The following GDAP1L1 variants were observed in gnomAD, a reference collection of about 807,000 sequenced individuals.
GDAP1L1 encodes the protein ganglioside-induced differentiation-associated protein 1-like 1.
In GDAP1L1, 21 loss-of-function variants were observed where a neutral mutation model predicts 37.1. That is an observed-to-expected ratio of 0.57 (90% CI 0.40 to 0.81). The LOEUF (loss-of-function observed/expected upper bound fraction) is 0.81, where lower values mean the gene tolerates loss of function less well. GDAP1L1 is among the 40% of genes least tolerant of loss of function. The probability of loss-of-function intolerance (pLI) is 0.00; values close to 1 mark genes in which losing one functional copy is unlikely to be tolerated. For synonymous variants in GDAP1L1, 193 were observed against 209.1 expected (o/e 0.92, Z 0.67); for missense variants, 362 against 491.6 (o/e 0.74, Z 2.49).
chr20:44,265,532 A>G, intron 5 of GDAP1L1: 1 of 961,662 alleles, frequency 1.0e-6, no homozygotes, highest in South Asian at 4.8e-5. Context: ...TAGAGTAAGA[A>G]AAACTTGAAA....
At chr20:44,258,326 C>T (rs2073603167) in intron 2 of GDAP1L1, 108 bp from the exon 3 acceptor site, 3 of 1,104,118 alleles carry the variant, frequency 2.7e-6, no homozygotes, top group Non-Finnish European at 4.1e-6. Context: ...CATGGGGGTG[C>T]CCAGGGCCTC....
intron 5 of GDAP1L1, among the ~76,000 whole-genome samples, chr20:44,266,198 C>G (rs1052550428): frequency 6.6e-6 from 1 of 152,038 alleles, no homozygotes; most frequent in African/African-American, 2.4e-5. Flanking sequence ...ATCCCAGCTA[C>G]TCGAGAGGCT....
At chr20:44,277,419 T>C (rs2146064729) in intron 5 of GDAP1L1, among the ~76,000 whole-genome samples, 1 of 152,322 alleles carries the variant, frequency 6.6e-6, no homozygotes, top group Non-Finnish European at 1.5e-5. Context: ...GTGGTAGGAA[T>C]GTCCCTGATG....
At chr20:44,257,463 G>T in intron 2 of GDAP1L1, 118 bp downstream of exon 2, 1 of 1,044,310 alleles carries the variant, frequency 9.6e-7, no homozygotes, top group African/African-American at 1.6e-5. Flanking sequence ...GGAGCCATGG[G>T]CAAGGCCCAG....
chr20:44,269,209 T>C (rs1344075080), intron 5 of GDAP1L1, among the ~76,000 whole-genome samples: 1 of 152,188 alleles, frequency 6.6e-6, no homozygotes, highest in Non-Finnish European at 1.5e-5. Context: ...GAACATCTCC[T>C]AGATGCTAGG....
At chr20:44,257,821 G>A (rs148306214) in intron 2 of GDAP1L1, among the ~76,000 whole-genome samples, 1 of 151,882 alleles carries the variant, frequency 6.6e-6, no homozygotes, top group African/African-American at 2.4e-5. Context: ...GTTCCCAGAC[G>A]CCCCAGAACC....
intron 5 of GDAP1L1, among the ~76,000 whole-genome samples, chr20:44,278,218 G>A (rs1449617574): frequency 2.6e-5 from 4 of 151,890 alleles, no homozygotes; most frequent in African/African-American, 9.7e-5. Flanking sequence ...GCTTTTGGGC[G>A]GAGCAACTGC....
In GDAP1L1 at chr20:44,247,516, T is replaced by C; in HGVS notation, c.180+2T>C. ...ACCCAGTCCTTCAGCTCGCAGAAGG[T>C]AGAGCCGGGCCGGGAGCCGCCTGCG... is the stretch of plus-strand genomic sequence containing the variant. On this transcript the variant is annotated splice_donor_variant, in intron 1 of 5. Transcript: ENST00000342560. LOFTEE classifies it high-confidence loss of function. 4 of 1,495,078 alleles carry C rather than the reference T, an allele frequency of 2.7e-6. No homozygotes were observed. Among genetic ancestry groups the C allele is most frequent in the Non-Finnish European group, 3.6e-6 (4 of 1,119,300 alleles). 92.6% of individuals were successfully genotyped at this position (1,495,078 alleles called of 1,614,324 possible).
At chr20:44,249,551 C>A (rs2073399553) in intron 1 of GDAP1L1, among the ~76,000 whole-genome samples, 1 of 152,184 alleles carries the variant, frequency 6.6e-6, no homozygotes, top group African/African-American at 2.4e-5. Context: ...CGGCTGGGAC[C>A]AGACAGGGGG....
intron 5 of GDAP1L1, chr20:44,265,253 T>C: frequency 1.0e-6 from 1 of 985,360 alleles, no homozygotes; most frequent in South Asian, 4.7e-5. Context: ...CCAGCTTCAT[T>C]CTACCTCCAT....
At chr20:44,265,396 T>A in intron 5 of GDAP1L1, 1 of 985,452 alleles carries the variant, frequency 1.0e-6, no homozygotes, top group Non-Finnish European at 1.2e-6. Context: ...TTGCTCCGTT[T>A]AAGACCTGTG....
In GDAP1L1 at chr20:44,247,361, C is replaced by A; in HGVS notation, c.27C>A (p.Pro9=). The A allele has an allele frequency of 6.2e-7, 1 of 1,613,620 alleles. No homozygotes were observed. Residue 9 remains proline (P), a synonymous_variant, in exon 1 of 6, where the codon CCC becomes CCA. Transcript: ENST00000342560. MATPNNLT[P]TNCSWWPISA... ...TGGCGACCCCCAACAATCTGACCCC[C>A]ACCAACTGCAGCTGGTGGCCCATCT...
In GDAP1L1 at chr20:44,253,563, C is replaced by T. The variant is rs541308151; in HGVS notation, c.181-3590C>T. ...AGGCAGTGCCTGACCCATGACAATG[C>T]GGCACTGTGGGTGATTTTCAGGCAC... On this transcript the variant is annotated intron_variant, in intron 1 of 5. Coordinates refer to ENST00000342560, the MANE Select transcript of GDAP1L1 (RefSeq NM_024034.6). 1.1e-4 allele frequency among the ~76,000 whole-genome samples: 16 copies of T among 152,298 alleles called. No individual in the cohort carries two copies. In the South Asian group the frequency reaches 2.3e-3, roughly 22 times the overall value.
At chr20:44,277,397 G>T (rs895802847) in intron 5 of GDAP1L1, among the ~76,000 whole-genome samples, 2 of 152,208 alleles carry the variant, frequency 1.3e-5, no homozygotes, top group African/African-American at 4.8e-5. Context: ...GAACAGCGAG[G>T]GCAAAGGCCC....
At chr20:44,258,284 G>A (rs1423854619) in intron 2 of GDAP1L1, 150 bp from the exon 3 acceptor site, 1 of 788,568 alleles carries the variant, frequency 1.3e-6, no homozygotes, top group Non-Finnish European at 2.2e-6. Context: ...GCCACCACTA[G>A]AATCCCCTGT....
chr20:44,257,093 C>T, intron 1 of GDAP1L1, 60 bp from the exon 2 acceptor site: 1 of 1,485,360 alleles, frequency 6.7e-7, no homozygotes, highest in Non-Finnish European at 9.0e-7. Context: ...CCCCGCCCCA[C>T]CTGGGCAGAG....
At chr20:44,271,483 T>C (rs562919960) in intron 5 of GDAP1L1, among the ~76,000 whole-genome samples, 2 of 152,254 alleles carry the variant, frequency 1.3e-5, no homozygotes, top group East Asian at 3.9e-4. Context: ...CTTTCTACCA[T>C]GGATGTCAGC....
At chr20:44,276,441 AAAGAAAGAAAGAAAGAAAGAAAG>A (rs1568659591) in intron 5 of GDAP1L1, among the ~76,000 whole-genome samples, 21 of 149,978 alleles carry the variant, frequency 1.4e-4, no homozygotes, top group African/African-American at 4.7e-4. Context: ...AGAAAGAAAG[AAAGAAAGAAAGAAAGAAAGAAAG>A]AAAAAGAAAG....
chr20:44,260,119 A>G (rs1226589875), intron 3 of GDAP1L1, among the ~76,000 whole-genome samples: 1 of 152,228 alleles, frequency 6.6e-6, no homozygotes, highest in Non-Finnish European at 1.5e-5. Context: ...ACAGTTGGCA[A>G]GAGCAAGAAT....
Sources: gnomAD v4.1 joint callset for allele counts (sites outside exome capture counted in the v4.1 genomes callset) on GRCh38, gnomAD v4.1.1 for gene constraint, MANE v1.5 for transcripts, NCBI Gene and HGNC (gene_info 2026-07-23, HGNC 2026-07-21) for gene names.